SLF1: variants seen among roughly 807,000 people sequenced by gnomAD.
SLF1 encodes the protein SMC5-SMC6 complex localization factor protein 1.
SLF1 carries 105 observed loss-of-function variants against 123.0 expected under a neutral mutation model. The observed-to-expected ratio is 0.85, with a 90% confidence interval of 0.73 to 1.00. The LOEUF (loss-of-function observed/expected upper bound fraction) is 1.00. Among genes scored for constraint, SLF1 ranks in the 50% least tolerant of loss-of-function variants. The pLI, the probability that SLF1 is intolerant of heterozygous loss-of-function variation, is 0.00. For synonymous variants in SLF1, 434 were observed against 406.6 expected (o/e 1.07, Z -0.81); for missense variants, 1,239 against 1,223.0 (o/e 1.01, Z -0.20).
At chr5:94,643,566 C>A (rs1009003943) in intron 5 of SLF1, 131 bp downstream of exon 5, 2 of 633,576 alleles carry the variant, frequency 3.2e-6, no homozygotes, top group African/African-American at 3.8e-5. Context: ...TTAAATGACA[C>A]TTTTTAAAGG....
At chr5:94,649,875 AACTT>A (rs1485107828) in intron 6 of SLF1, among the ~76,000 whole-genome samples, 31 of 152,140 alleles carry the variant, frequency 2.0e-4, no homozygotes, top group Admixed American at 2.0e-4. Flanking sequence ...ATGTTTAGGT[AACTT>A]ACTTATGTTT....
At chr5:94,663,243 A>G (rs1391511769) in intron 10 of SLF1, among the ~76,000 whole-genome samples, 2 of 152,272 alleles carry the variant, frequency 1.3e-5, no homozygotes, top group African/African-American at 4.8e-5. Context: ...AATAATTAAT[A>G]TAACAAGTAA....
Position 94,691,634 on chromosome 5 carries a change from AG to A in SLF1, c.2492del (p.Gly831GlufsTer2). The A allele has an allele frequency of 1.9e-6, 3 of 1,611,116 alleles. No homozygotes were observed. Among genetic ancestry groups the A allele is most frequent in the Non-Finnish European group, 2.5e-6 (3 of 1,179,020 alleles). On this transcript the variant is annotated frameshift_variant, in exon 19 of 21. Coordinates refer to ENST00000265140, the MANE Select transcript of SLF1 (RefSeq NM_032290.4). LOFTEE classifies it high-confidence loss of function. ...AATTGATTCTTCTTCTCTCTTTGCCAGGAATAGACATCAATGTTAAAGGTAA... is the reference window on the plus strand; with the variant it reads ...AATTGATTCTTCTTCTCTCTTTGCCAGAATAGACATCAATGTTAAAGGTAA... ...EKLILLLSLP[G>X]IDINVKDNAG...
At chr5:94,693,146 C>G (rs1278572065) in intron 20 of SLF1, among the ~76,000 whole-genome samples, 1 of 151,868 alleles carries the variant, frequency 6.6e-6, no homozygotes, top group African/African-American at 2.4e-5. Flanking sequence ...CTTAAGATGT[C>G]TTTTTAGTAT....
intron 4 of SLF1, among the ~76,000 whole-genome samples, chr5:94,638,458 G>T (rs982513843): frequency 3.3e-5 from 5 of 152,106 alleles, no homozygotes; most frequent in Non-Finnish European, 5.9e-5. Context: ...GATTACAGGC[G>T]TGAGCCACCA....
Position 94,649,510 on chromosome 5 carries a change from C to A in SLF1, c.651C>A (p.Ser217Arg). The A allele has an allele frequency of 6.5e-7, 1 of 1,543,058 alleles. No homozygotes were observed. Among genetic ancestry groups the A allele is most frequent in the Non-Finnish European group, 8.8e-7 (1 of 1,140,978 alleles). ...SQTNSVWTEHSNEETNKDFRK... is the reference protein window; with the variant it reads ...SQTNSVWTEHRNEETNKDFRK... ...CCAATTCTGTTTGGACTGAACATAG[C>A]AATGAAGAAACAAACAAAGATTTCA... The change falls in exon 6 of 21, where the codon AGC becomes AGA. Residue 217 changes from serine (S) to arginine (R), a missense_variant. By Grantham distance (110) the Ser-to-Arg change is moderately radical (BLOSUM62 -1). Transcript: ENST00000265140.
chr5:94,645,705 G>T (rs1746949954), intron 5 of SLF1, among the ~76,000 whole-genome samples: 1 of 152,184 alleles, frequency 6.6e-6, no homozygotes, highest in South Asian at 2.1e-4. Flanking sequence ...ATATCAACCA[G>T]ATAGCAGAAA....
intron 9 of SLF1, among the ~76,000 whole-genome samples, chr5:94,660,341 C>T (rs955580005): frequency 6.6e-6 from 1 of 152,200 alleles, no homozygotes; most frequent in South Asian, 2.1e-4. Context: ...CTCATATCAG[C>T]GTGCTCAAGT....
At position 94,653,400 on chromosome 5, in the gene SLF1, G is replaced by A. The variant is rs906959873; in HGVS notation, c.1011G>A (p.Arg337=). ...EHEKIKSTLR[R]HIYNRDQKEM... is the part of the protein sequence containing the mutation. ...AAAAAATAAAAAGTACCTTAAGAAG[G>A]CACATATATAATAGAGATCAGGTAA... The change falls in exon 8 of 21, where the codon AGG becomes AGA. Residue 337 remains arginine (R), a synonymous_variant. Transcript: ENST00000265140. The A allele has an allele frequency of 7.9e-6, 12 of 1,519,880 alleles. No individual in the cohort carries two copies. Among genetic ancestry groups the A allele is most frequent in the Admixed American group, 2.5e-5 (1 of 40,612 alleles). The allele number at this position is 1,519,880 out of a possible 1,614,324, so 94.1% of individuals were successfully genotyped here.
At position 94,618,676 on chromosome 5, in the gene SLF1, C is replaced by A. The variant is rs181163438; in HGVS notation, c.-90C>A. On this transcript the variant is annotated 5_prime_UTR_variant, in exon 1 of 21. Transcript: ENST00000265140. Reference sequence around the variant, plus strand: ...CGCGGCGGGAAATTGTTTCCCAGAGCCCGGATTCGTGAAGCAGTTGAGTGC... The same window carrying A: ...CGCGGCGGGAAATTGTTTCCCAGAGACCGGATTCGTGAAGCAGTTGAGTGC... 99 of 154,848 alleles carry A rather than the reference C, an allele frequency of 6.4e-4. No individual in the cohort carries two copies. Among genetic ancestry groups the A allele is most frequent in the Admixed American group, 4.8e-3 (74 of 15,306 alleles). 9.6% of individuals were successfully genotyped at this position (154,848 alleles called of 1,614,324 possible). A position where few individuals can be genotyped will look rare whatever the true frequency, so the allele number is the denominator to read the frequency against.
intron 18 of SLF1, among the ~76,000 whole-genome samples, chr5:94,690,939 T>C (rs1179537155): frequency 2.7e-5 from 4 of 150,722 alleles, no homozygotes; most frequent in African/African-American, 9.8e-5. Flanking sequence ...TGTCTGTGTG[T>C]GTGTGTGTGT....
At chr5:94,632,254 ATATC>A (rs1745291047) in intron 4 of SLF1, among the ~76,000 whole-genome samples, 2 of 152,138 alleles carry the variant, frequency 1.3e-5, no homozygotes, top group South Asian at 4.1e-4. Flanking sequence ...AGTGATCTCT[ATATC>A]TACCTTATAC....
At chr5:94,687,166 T>G (rs1486828340) in intron 16 of SLF1, among the ~76,000 whole-genome samples, 1 of 152,244 alleles carries the variant, frequency 6.6e-6, no homozygotes, top group Admixed American at 6.5e-5. Flanking sequence ...TATATTTCTG[T>G]CTCTAATTAG....
chr5:94,665,473 G>A (rs1217415298), intron 11 of SLF1, among the ~76,000 whole-genome samples: 3 of 152,088 alleles, frequency 2.0e-5, no homozygotes, highest in East Asian at 1.9e-4. Context: ...GCGTTAGGCC[G>A]GGCGTGGTGG....
rs945387729 is a variant in SLF1 at position 94,696,448 on chromosome 5, C to T, written c.*1136C>T. 13 of 151,680 alleles carry T rather than the reference C, an allele frequency of 8.6e-5. No homozygotes were observed. The South Asian group carries it at 1.2e-3, about 14-fold the overall frequency. The allele number at this position is 151,680 out of a possible 1,614,324, so 9.4% of individuals were successfully genotyped here. On this transcript the variant is annotated 3_prime_UTR_variant, in exon 21 of 21. Transcript: ENST00000265140. ...TATGAAAAAATATTTTAAATAAGTA[C>T]TTTTTCCACACATACTCAGGAAATA...
At chr5:94,669,954 GAATT>G (rs1196296916) in intron 12 of SLF1, among the ~76,000 whole-genome samples, 193 bp from the exon 13 acceptor site, 1 of 151,622 alleles carries the variant, frequency 6.6e-6, no homozygotes, top group Non-Finnish European at 1.5e-5. Flanking sequence ...TATTTATTAA[GAATT>G]AAGTACTCAT....
At chr5:94,619,894 T>G (rs1269970083) in intron 1 of SLF1, among the ~76,000 whole-genome samples, 1 of 152,204 alleles carries the variant, frequency 6.6e-6, no homozygotes, top group Non-Finnish European at 1.5e-5. Context: ...TTGCTTTCTT[T>G]CTTTCTTTGA....
At chr5:94,633,673 A>G (rs1725839300) in intron 4 of SLF1, among the ~76,000 whole-genome samples, 1 of 152,198 alleles carries the variant, frequency 6.6e-6, no homozygotes, top group Admixed American at 6.5e-5. Context: ...TAACGAAGAT[A>G]CTAGAAGATC....
chr5:94,619,720 G>T (rs538408674), intron 1 of SLF1, among the ~76,000 whole-genome samples: 96 of 152,278 alleles, frequency 6.3e-4, no homozygotes, highest in African/African-American at 2.1e-3. Context: ...ATTCCGTTGT[G>T]CCTCAATTCT....
Sources: gnomAD v4.1 joint callset for allele counts (sites outside exome capture counted in the v4.1 genomes callset) on GRCh38, gnomAD v4.1.1 for gene constraint, MANE v1.5 for transcripts, NCBI Gene and HGNC (gene_info 2026-07-23, HGNC 2026-07-21) for gene names.